XKR6: variants seen among roughly 807,000 people sequenced by gnomAD.
The protein encoded by XKR6 is XK-related protein 6.
A neutral mutation model predicts 56.7 loss-of-function variants in XKR6; 22 were observed. That is an observed-to-expected ratio of 0.39 (90% CI 0.28 to 0.55). XKR6 has a LOEUF of 0.55. XKR6 is among the 20% of genes least tolerant of loss of function. XKR6 has a pLI of 0.66. For synonymous variants in XKR6, 524 were observed against 387.8 expected, an observed-to-expected ratio of 1.35 and a Z score of -4.13; for missense variants, 852 against 889.0, an observed-to-expected ratio of 0.96 and a Z score of 0.53.
chr8:11,170,493 A>C (rs1185465631), intron 1 of XKR6, among the ~76,000 whole-genome samples: 2 of 152,228 alleles, frequency 1.3e-5, no homozygotes, highest in African/African-American at 4.8e-5. Context: ...TGTCCAGACT[A>C]GGCAACTCTA....
rs1437898295 is a variant in XKR6 at position 10,965,197 on chromosome 8, C to CT, written c.765-40368dup. Among the ~76,000 whole-genome samples the CT allele has an allele frequency of 1.2e-4, 19 of 152,358 alleles. No individual in the cohort carries two copies. The East Asian group carries it at 3.5e-3, about 28-fold the overall frequency. ...GACACACGTCCTTCTTAAGTCCTTCCTTGCCAGTTCTGAGAAAGCCCATTT... is the reference window on the plus strand; with the variant it reads ...GACACACGTCCTTCTTAAGTCCTTCCTTTGCCAGTTCTGAGAAAGCCCATTT... On this transcript the variant is annotated intron_variant, in intron 1 of 2. Coordinates refer to ENST00000416569, the MANE Select transcript of XKR6 (RefSeq NM_173683.4).
chr8:11,008,929 C>A (rs1183191293), intron 1 of XKR6, among the ~76,000 whole-genome samples: 1 of 152,166 alleles, frequency 6.6e-6, no homozygotes, highest in South Asian at 2.1e-4. Context: ...AGGGAAATCT[C>A]TTGACATGCA....
intron 1 of XKR6, chr8:11,066,853 A>G (rs1238375282): frequency 1.3e-5 from 2 of 152,128 alleles, no homozygotes; most frequent in Non-Finnish European, 2.9e-5. Flanking sequence ...GGCCCACCTG[A>G]GCTACGGGTG....
At chr8:11,095,161 T>A (rs1478120280) in intron 1 of XKR6, among the ~76,000 whole-genome samples, 2 of 152,224 alleles carry the variant, frequency 1.3e-5, no homozygotes, top group African/African-American at 2.4e-5. Context: ...TATTAACTCA[T>A]GAGTAGCGTT....
chr8:11,153,966 C>G (rs1327733635), intron 1 of XKR6, among the ~76,000 whole-genome samples: 1 of 152,234 alleles, frequency 6.6e-6, no homozygotes, highest in Non-Finnish European at 1.5e-5. Flanking sequence ...GTTTCCACCC[C>G]TGCCCTTCAA....
chr8:10,937,660 G>A (rs1239967372), intron 1 of XKR6, among the ~76,000 whole-genome samples: 5 of 149,382 alleles, frequency 3.3e-5, no homozygotes, highest in Non-Finnish European at 6.0e-5. Flanking sequence ...ATACCCTGCC[G>A]TGTGAGGTGT....
At chr8:11,145,315 T>G (rs1800927216) in intron 1 of XKR6, among the ~76,000 whole-genome samples, 1 of 152,122 alleles carries the variant, frequency 6.6e-6, no homozygotes, top group African/African-American at 2.4e-5. Context: ...TAAGGAGGAC[T>G]CAGTCTGCAC....
intron 1 of XKR6, among the ~76,000 whole-genome samples, chr8:11,172,353 G>C (rs1802422445): frequency 6.6e-6 from 1 of 152,146 alleles, no homozygotes; most frequent in African/African-American, 2.4e-5. Flanking sequence ...CTGGTCGACA[G>C]ACCCTGTCTC....
chr8:11,061,050 T>C (rs1022046179), intron 1 of XKR6, among the ~76,000 whole-genome samples: 3 of 152,162 alleles, frequency 2.0e-5, no homozygotes, highest in African/African-American at 7.2e-5. Context: ...GGGCTGAGGG[T>C]TGGAGATGGC....
intron 1 of XKR6, among the ~76,000 whole-genome samples, chr8:11,050,776 C>T (rs1247644233): frequency 2.6e-5 from 4 of 152,014 alleles, no homozygotes; most frequent in Admixed American, 2.6e-4. Context: ...CCTCATGTCC[C>T]CACAGACGGA....
chr8:10,912,644 G>C (rs1218539083), intron 2 of XKR6, among the ~76,000 whole-genome samples: 1 of 100,474 alleles, frequency 1.0e-5, no homozygotes, highest in East Asian at 2.0e-4. Context: ...AAGAGAGAAA[G>C]AGGGTGTCTA....
Position 10,903,612 on chromosome 8 carries a change from C to T in XKR6, c.962-4696G>A, listed in dbSNP as rs142020165. On this transcript the variant is annotated intron_variant, in intron 2 of 2. Coordinates refer to ENST00000416569, the MANE Select transcript of XKR6 (RefSeq NM_173683.4). ...AGAGGTGATTAAGGTAAAACGAGGC[C>T]GTTAGGGTGGGCCCTAACCCTGTGT... 3.4e-3 allele frequency among the ~76,000 whole-genome samples: 524 copies of T among 152,132 alleles called. 4 individuals carry two copies. The highest frequency in any genetic ancestry group is 6.8e-3 in the Middle Eastern group (2 of 294).
chr8:11,155,857 G>C (rs1208510359), intron 1 of XKR6, among the ~76,000 whole-genome samples: 2 of 152,174 alleles, frequency 1.3e-5, no homozygotes, highest in African/African-American at 4.8e-5. Context: ...TCAGGATAAA[G>C]CTGATCATTC....
chr8:10,971,715 G>A (rs1161434720), intron 1 of XKR6, among the ~76,000 whole-genome samples: 1 of 152,036 alleles, frequency 6.6e-6, no homozygotes, highest in Non-Finnish European at 1.5e-5. Flanking sequence ...TTGCCAATGG[G>A]GACACTAAAG....
chr8:11,094,640 G>T (rs1334819680), intron 1 of XKR6, among the ~76,000 whole-genome samples: 2 of 152,164 alleles, frequency 1.3e-5, no homozygotes, highest in Non-Finnish European at 2.9e-5. Context: ...CTGGGGGCTG[G>T]TGGGACCGAC....
intron 1 of XKR6, among the ~76,000 whole-genome samples, chr8:11,013,304 G>T (rs745404706): frequency 6.6e-6 from 1 of 152,248 alleles, no homozygotes; most frequent in Middle Eastern, 3.4e-3. Context: ...TTTTCTAAAG[G>T]TTTCTCCTTT....
intron 1 of XKR6, among the ~76,000 whole-genome samples, chr8:10,961,006 G>C (rs1802043426): frequency 1.3e-5 from 2 of 152,164 alleles, no homozygotes; most frequent in African/African-American, 4.8e-5. Context: ...TGAACACTGA[G>C]TGAGGAGGAA....
chr8:11,179,076 C>T (rs574798159), intron 1 of XKR6, among the ~76,000 whole-genome samples: 2 of 138,222 alleles, frequency 1.4e-5, no homozygotes, highest in East Asian at 2.1e-4. Flanking sequence ...AGGCTTGTCT[C>T]GAACTCTCAG....
chr8:10,972,885 G>A (rs1321455917), intron 1 of XKR6, among the ~76,000 whole-genome samples: 6 of 152,172 alleles, frequency 3.9e-5, no homozygotes, highest in East Asian at 1.9e-4. Flanking sequence ...TATATTTTAC[G>A]ATAATGAAAA....
Sources: allele counts gnomAD v4.1 joint callset (sites outside exome capture counted in the v4.1 genomes callset), GRCh38; gene constraint gnomAD v4.1.1; transcripts MANE v1.5; gene names NCBI Gene and HGNC (gene_info 2026-07-23, HGNC 2026-07-21).